The following MACROD2 variants were observed in gnomAD, a reference collection of about 807,000 sequenced individuals.
MACROD2 encodes the protein mono-ADP ribosylhydrolase 2.
MACROD2 carries 36 observed loss-of-function variants against 70.4 expected under a neutral mutation model. The observed-to-expected ratio is 0.51, with a 90% confidence interval of 0.39 to 0.68. The LOEUF is 0.68. Ranked by LOEUF, MACROD2 falls within the 30% of genes least tolerant of loss-of-function variation. The probability of loss-of-function intolerance (pLI) is 0.00; values close to 1 mark genes in which losing one functional copy is unlikely to be tolerated. For missense variants in MACROD2, 496 were observed against 538.4 expected, an observed-to-expected ratio of 0.92 and a Z score of 0.78; for synonymous variants, 172 against 178.8, an observed-to-expected ratio of 0.96 and a Z score of 0.30.
At chr20:14,617,216 G>A (rs796831007) in intron 4 of MACROD2, among the ~76,000 whole-genome samples, 18 of 151,956 alleles carry the variant, frequency 1.2e-4, no homozygotes, top group African/African-American at 4.1e-4. Flanking sequence ...TCTCTTTCTC[G>A]CTTTTAACTC....
chr20:15,040,938 A>G (rs1236581183), intron 5 of MACROD2, among the ~76,000 whole-genome samples: 2 of 152,240 alleles, frequency 1.3e-5, no homozygotes, highest in Non-Finnish European at 2.9e-5. Flanking sequence ...GTTTTCCAGA[A>G]GTATTAATGA....
At chr20:15,516,040 CG>C (rs2047562656) in intron 8 of MACROD2, among the ~76,000 whole-genome samples, 1 of 152,192 alleles carries the variant, frequency 6.6e-6, no homozygotes, top group African/African-American at 2.4e-5. Flanking sequence ...CGGCTTACCC[CG>C]TTTGCCTGCT....
intron 5 of MACROD2, among the ~76,000 whole-genome samples, chr20:14,829,623 A>G (rs1012651544): frequency 2.0e-5 from 3 of 152,090 alleles, no homozygotes; most frequent in African/African-American, 7.2e-5. Context: ...GAATGCGAAT[A>G]TTAGTGCCTC....
intron 5 of MACROD2, among the ~76,000 whole-genome samples, chr20:15,211,958 G>A (rs2076767440): frequency 6.6e-6 from 1 of 152,122 alleles, no homozygotes; most frequent in Non-Finnish European, 1.5e-5. Flanking sequence ...TTCCAAAGTG[G>A]CATTTCCATT....
At chr20:14,645,680 T>A (rs565402534) in intron 4 of MACROD2, among the ~76,000 whole-genome samples, 1 of 152,190 alleles carries the variant, frequency 6.6e-6, no homozygotes, top group Admixed American at 6.6e-5. Flanking sequence ...GAAATTTTCA[T>A]GGTACATTAT....
chr20:14,230,298 TCCTCTCAAACAGTAC>T, intron 3 of MACROD2, among the ~76,000 whole-genome samples: 1 of 152,084 alleles, frequency 6.6e-6, no homozygotes, highest in Non-Finnish European at 1.5e-5. Flanking sequence ...TTGGGTTCAG[TCCTCTCAAACAGTAC>T]CGCTGCTTTA....
intron 15 of MACROD2, among the ~76,000 whole-genome samples, chr20:16,020,428 A>G (rs1208593314): frequency 3.3e-5 from 5 of 151,776 alleles, no homozygotes; most frequent in Non-Finnish European, 7.4e-5. Context: ...ACAGGGTTAG[A>G]TGGTCTCTAC....
At chr20:14,544,366 T>G (rs1458701765) in intron 4 of MACROD2, among the ~76,000 whole-genome samples, 1 of 152,154 alleles carries the variant, frequency 6.6e-6, no homozygotes, top group Non-Finnish European at 1.5e-5. Flanking sequence ...AGACAGATTC[T>G]GTCTTCTAAT....
intron 8 of MACROD2, among the ~76,000 whole-genome samples, chr20:15,598,614 A>G (rs2048776575): frequency 6.6e-6 from 1 of 152,206 alleles, no homozygotes; most frequent in South Asian, 2.1e-4. Context: ...ACATTTTGCA[A>G]TGTGAACTGA....
chr20:15,071,670 T>C (rs1395487900), intron 5 of MACROD2, among the ~76,000 whole-genome samples: 1 of 152,206 alleles, frequency 6.6e-6, no homozygotes, highest in Non-Finnish European at 1.5e-5. Context: ...TCTATGTTTT[T>C]AGACATTAAG....
chr20:15,978,140 A>G (rs2066336836), intron 13 of MACROD2, among the ~76,000 whole-genome samples: 1 of 152,202 alleles, frequency 6.6e-6, no homozygotes, highest in South Asian at 2.1e-4. Context: ...GTCTGTGATG[A>G]GGCCTGAAAT....
intron 3 of MACROD2, among the ~76,000 whole-genome samples, chr20:14,448,781 G>A (rs1341184862): frequency 4.0e-5 from 6 of 151,868 alleles, no homozygotes; most frequent in East Asian, 1.9e-4. Context: ...CATGCAGTGC[G>A]TTGATTGTGC....
At chr20:15,294,113 C>T (rs2077565210) in intron 6 of MACROD2, among the ~76,000 whole-genome samples, 2 of 128,648 alleles carry the variant, frequency 1.6e-5, no homozygotes, top group Non-Finnish European at 3.3e-5. Context: ...AAGAGCAAAA[C>T]TCTGTCTAAA....
At chr20:14,638,917 C>G (rs1054754031) in intron 4 of MACROD2, among the ~76,000 whole-genome samples, 1 of 150,488 alleles carries the variant, frequency 6.6e-6, no homozygotes, top group Admixed American at 6.6e-5. Context: ...GCCACAGCAC[C>G]CCAGCCTGGG....
intron 4 of MACROD2, among the ~76,000 whole-genome samples, chr20:14,673,200 G>A (rs1218352031): frequency 6.6e-6 from 1 of 152,204 alleles, no homozygotes; most frequent in Non-Finnish European, 1.5e-5. Flanking sequence ...GCGGAGGAGC[G>A]TGAGAGCAAG....
intron 5 of MACROD2, among the ~76,000 whole-genome samples, chr20:15,021,299 T>C (rs111165289): frequency 3.6e-4 from 29 of 81,338 alleles, no homozygotes; most frequent in East Asian, 1.2e-3. Flanking sequence ...TGTGTGTATA[T>C]GCACATATAC....
chr20:14,619,272 AG>A (rs1180459214), intron 4 of MACROD2, among the ~76,000 whole-genome samples: 1 of 151,068 alleles, frequency 6.6e-6, no homozygotes, highest in Non-Finnish European at 1.5e-5. Flanking sequence ...CTGATTCCAA[AG>A]CCTCCCTCTA....
intron 3 of MACROD2, among the ~76,000 whole-genome samples, chr20:14,465,503 G>T (rs149184494): frequency 6.6e-4 from 101 of 152,074 alleles, no homozygotes; most frequent in African/African-American, 2.3e-3. Flanking sequence ...CCAGTCTGTG[G>T]CTTTTAATTG....
At chr20:15,192,919 C>T (rs889042523) in intron 5 of MACROD2, among the ~76,000 whole-genome samples, 2 of 152,272 alleles carry the variant, frequency 1.3e-5, no homozygotes, top group African/African-American at 4.8e-5. Context: ...TCTCTAACTC[C>T]GCAGTGAATT....
Sources: allele counts gnomAD v4.1 joint callset (sites outside exome capture counted in the v4.1 genomes callset), GRCh38; gene constraint gnomAD v4.1.1; transcripts MANE v1.5; gene names NCBI Gene and HGNC (gene_info 2026-07-23, HGNC 2026-07-21).